The following TMPRSS11F variants were observed in gnomAD, a reference collection of about 807,000 sequenced individuals.
The protein encoded by TMPRSS11F is transmembrane serine protease 11F, also known as transmembrane protease serine 11F.
In TMPRSS11F, 47 loss-of-function variants were observed where a neutral mutation model predicts 60.2. That is an observed-to-expected ratio of 0.78 (90% confidence interval 0.62 to 1.00). The LOEUF (loss-of-function observed/expected upper bound fraction) is 1.00. Among genes scored for constraint, TMPRSS11F ranks in the 50% least tolerant of loss-of-function variants. The pLI, the probability that TMPRSS11F is intolerant of heterozygous loss-of-function variation, is 0.00. For synonymous variants in TMPRSS11F, 166 were observed against 167.3 expected (o/e 0.99, Z 0.06); for missense variants, 519 against 522.9 (o/e 0.99, Z 0.07).
intron 6 of TMPRSS11F, among the ~76,000 whole-genome samples, chr4:68,069,041 T>A (rs1723396708): frequency 6.6e-6 from 1 of 152,172 alleles, no homozygotes; most frequent in Admixed American, 6.5e-5. Context: ...TTAACTTCTA[T>A]CTCTCCTTAT....
rs1170381936 is a variant in TMPRSS11F at position 68,064,789 on chromosome 4, T to G, written c.911A>C (p.Glu304Ala). 6.2e-7 allele frequency: 1 copy of G among 1,614,054 alleles called. No individual in the cohort carries two copies. Among genetic ancestry groups the G allele is most frequent in the Non-Finnish European group, 8.5e-7 (1 of 1,180,016 alleles). The change falls in exon 8 of 10, where the codon GAG becomes GCG. Residue 304 changes from glutamate (E) to alanine (A), a missense_variant. By Grantham distance (107) the Glu-to-Ala change is moderately radical. Transcript: ENST00000356291. ...AACTCTCTGGACTATATTTGAAAAC[T>G]CAACTCCAGTAGAGAGCTGAACCAA... is the stretch of plus-strand genomic sequence containing the variant. ...IALVQLSTGV[E>A]FSNIVQRVCL... is the part of the protein sequence containing the mutation.
chr4:68,084,170 TAA>T (rs1426456212), intron 3 of TMPRSS11F, among the ~76,000 whole-genome samples: 5 of 151,904 alleles, frequency 3.3e-5, no homozygotes, highest in Non-Finnish European at 7.4e-5. Context: ...TGAGATTATG[TAA>T]AGAGACCAAA....
At chr4:68,055,303 C>A (rs2164935) in intron 9 of TMPRSS11F, among the ~76,000 whole-genome samples, 35,196 of 151,882 alleles carry the variant, frequency 0.23, 4,558 homozygotes, top group Admixed American at 0.37. Flanking sequence ...CATGATTAGC[C>A]TTTTTTTGGA....
rs763766556 is a variant in TMPRSS11F, at chr4:68,090,479, C to T, written c.282+44G>A. ...TATAACACCCACATTCAAAGTGATG[C>T]AAAAGACACATTAATAAACATTTAA... On this transcript the variant is annotated intron_variant, in intron 3 of 9. Transcript: ENST00000356291. 3.9e-6 allele frequency: 6 copies of T among 1,537,720 alleles called. No homozygotes were observed. In the South Asian group the frequency reaches 6.1e-5, roughly 16 times the overall value.
chr4:68,055,860 T>A (rs1262034512), intron 9 of TMPRSS11F, among the ~76,000 whole-genome samples: 2 of 152,216 alleles, frequency 1.3e-5, no homozygotes. Context: ...CATTATCAAG[T>A]GGGATTTATC....
At chr4:68,068,360 T>A (rs1723373308) in intron 7 of TMPRSS11F, among the ~76,000 whole-genome samples, 1 of 152,138 alleles carries the variant, frequency 6.6e-6, no homozygotes, top group African/African-American at 2.4e-5. Flanking sequence ...ATAATCTACA[T>A]ATTATTTTAT....
chr4:68,064,759 A>ACTCT lies in TMPRSS11F; in HGVS notation c.940_941insAGAG (p.Leu314GlnfsTer12). 24 of 1,614,162 alleles carry ACTCT rather than the reference A, an allele frequency of 1.5e-5. No individual in the cohort carries two copies. Among genetic ancestry groups the ACTCT allele is most frequent in the Non-Finnish European group, 2.0e-5 (24 of 1,180,012 alleles). On this transcript the variant is annotated frameshift_variant, in exon 8 of 10. Coordinates refer to ENST00000356291, the MANE Select transcript of TMPRSS11F (RefSeq NM_207407.2). LOFTEE classifies it high-confidence loss of function. ...TGGCAACTTTATAGATGAGTCTGGG[A>ACTCT]GGCAAACTCTCTGGACTATATTTGA... is the stretch of plus-strand genomic sequence containing the variant.
At chr4:68,129,030 T>C (rs1310673849) in intron 1 of TMPRSS11F, among the ~76,000 whole-genome samples, 1 of 152,152 alleles carries the variant, frequency 6.6e-6, no homozygotes, top group African/African-American at 2.4e-5. Context: ...CATCAGTCAG[T>C]GCAGAACATG....
chr4:68,115,362 A>AT (rs1427546589), intron 1 of TMPRSS11F, among the ~76,000 whole-genome samples: 9 of 148,892 alleles, frequency 6.0e-5, no homozygotes, highest in Admixed American at 3.3e-4. Flanking sequence ...ATCTCAAAAA[A>AT]AAAAAAAAAA....
At chr4:68,073,674 G>GA (rs910586057) in intron 4 of TMPRSS11F, among the ~76,000 whole-genome samples, 1 of 152,090 alleles carries the variant, frequency 6.6e-6, no homozygotes, top group Non-Finnish European at 1.5e-5. Flanking sequence ...TTAAGAGACG[G>GA]GGGGAAGAGG....
chr4:68,064,552 G>A, intron 8 of TMPRSS11F, 133 bp downstream of exon 8: 1 of 1,051,470 alleles, frequency 9.5e-7, no homozygotes, highest in South Asian at 1.6e-5. Context: ...ACAGTCTCCT[G>A]TTCTGCCCAA....
chr4:68,115,306 G>A (rs1400707605), intron 1 of TMPRSS11F, among the ~76,000 whole-genome samples: 5 of 137,504 alleles, frequency 3.6e-5, no homozygotes, highest in African/African-American at 1.1e-4. Flanking sequence ...GCAGCAAGCC[G>A]AGATCGCACC....
At position 68,064,735 on chromosome 4, in the gene TMPRSS11F, G is replaced by A. The variant is rs141208409; in HGVS notation, c.965C>T (p.Pro322Leu). The A allele has an allele frequency of 3.0e-4, 478 of 1,614,082 alleles. 2 individuals carry two copies. The African/African-American group carries it at 6.1e-3, about 21-fold the overall frequency. ...TGTGACGAACACACTTGTTTTAGGT[G>A]GCAACTTTATAGATGAGTCTGGGAG... ...VCLPDSSIKL[P>L]PKTSVFVTGF... The change falls in exon 8 of 10, where the codon CCA (proline) becomes CTA (leucine). Residue 322 changes from proline to leucine, a missense_variant. Coordinates refer to ENST00000356291, the MANE Select transcript of TMPRSS11F (RefSeq NM_207407.2).
chr4:68,107,590 T>C (rs1298358222), intron 1 of TMPRSS11F, among the ~76,000 whole-genome samples: 1 of 152,090 alleles, frequency 6.6e-6, no homozygotes, highest in Non-Finnish European at 1.5e-5. Context: ...GTGTGGCCAG[T>C]AGGCAGTGTG....
chr4:68,124,362 T>C (rs1274805159), intron 1 of TMPRSS11F, among the ~76,000 whole-genome samples: 2 of 152,042 alleles, frequency 1.3e-5, no homozygotes, highest in African/African-American at 2.4e-5. Context: ...AATTTAGCTG[T>C]GCGTTGGGGT....
intron 8 of TMPRSS11F, chr4:68,061,826 G>C: frequency 2.3e-6 from 1 of 438,052 alleles, no homozygotes; most frequent in East Asian, 7.0e-5. Flanking sequence ...CTAAAGACTT[G>C]CAAGGGACCA....
At chr4:68,117,812 G>C (rs1333292461) in intron 1 of TMPRSS11F, among the ~76,000 whole-genome samples, 9 of 152,130 alleles carry the variant, frequency 5.9e-5, no homozygotes, top group African/African-American at 1.7e-4. Context: ...TCACACCCAG[G>C]TAGTTAGTCT....
chr4:68,069,355 T>C (rs1346075761), intron 6 of TMPRSS11F, among the ~76,000 whole-genome samples: 1 of 152,186 alleles, frequency 6.6e-6, no homozygotes, highest in Non-Finnish European at 1.5e-5. Context: ...CCCTGTATTT[T>C]AACAGATTTA....
intron 9 of TMPRSS11F, 116 bp downstream of exon 9, chr4:68,059,210 C>A: frequency 4.0e-6 from 4 of 1,004,452 alleles, no homozygotes; most frequent in Non-Finnish European, 5.7e-6. Context: ...TAAATAAAGT[C>A]AGTTCTCGGT....
Sources: allele counts gnomAD v4.1 joint callset (sites outside exome capture counted in the v4.1 genomes callset), GRCh38; gene constraint gnomAD v4.1.1; transcripts MANE v1.5; gene names NCBI Gene and HGNC (gene_info 2026-07-23, HGNC 2026-07-21).